The following STEAP1B variants were observed in gnomAD, a reference collection of about 807,000 sequenced individuals.
The protein encoded by STEAP1B is STEAP family member 1B, also known as STEAP family protein MGC87042.
In STEAP1B, 13 loss-of-function variants were observed where a neutral mutation model predicts 27.9. That is an observed-to-expected ratio of 0.47 (90% CI 0.30 to 0.74). The LOEUF (loss-of-function observed/expected upper bound fraction) is 0.74, where lower values mean the gene tolerates loss of function less well. Among genes scored for constraint, STEAP1B ranks in the 30% least tolerant of loss-of-function variants. STEAP1B has a pLI of 0.06. For missense variants in STEAP1B, 250 were observed against 298.7 expected, an observed-to-expected ratio of 0.84 and a Z score of 1.20; for synonymous variants, 86 against 107.1, an observed-to-expected ratio of 0.80 and a Z score of 1.22.
intron 3 of STEAP1B, among the ~76,000 whole-genome samples, chr7:22,493,114 T>A (rs1786361494): frequency 6.6e-6 from 1 of 152,234 alleles, no homozygotes; most frequent in Non-Finnish European, 1.5e-5. Flanking sequence ...GCTAAAGTTG[T>A]ACCTTATTTT....
chr7:22,425,438 A>T (rs1456548848), intron 4 of STEAP1B, among the ~76,000 whole-genome samples: 2 of 152,164 alleles, frequency 1.3e-5, no homozygotes, highest in South Asian at 2.1e-4. Context: ...CCCTGCAATT[A>T]AGTCAATTCA....
chr7:22,493,202 A>C (rs1786364975), intron 3 of STEAP1B, 122 bp downstream of exon 3: 2 of 1,214,274 alleles, frequency 1.6e-6, no homozygotes, highest in South Asian at 3.5e-5. Context: ...ATTTTAAAAT[A>C]GATGACTTTT....
rs951535759 is a variant in STEAP1B at position 22,442,338 on chromosome 7, C to A, written c.763-22502G>T. ...ACACCAACTGCCAGATGCAAGAAGT[C>A]AAGACGACAAACGTGTTTCTCCCAG... On this transcript the variant is annotated intron_variant, in intron 4 of 4. Coordinates refer to ENST00000678116, the MANE Select transcript of STEAP1B (RefSeq NM_001382447.1). 3.9e-5 allele frequency among the ~76,000 whole-genome samples: 6 copies of A among 152,266 alleles called. No homozygotes were observed. In the East Asian group the frequency reaches 1.2e-3, roughly 29 times the overall value.
chr7:22,426,168 T>A (rs1785104910), intron 4 of STEAP1B, among the ~76,000 whole-genome samples: 1 of 142,090 alleles, frequency 7.0e-6, no homozygotes, highest in Admixed American at 7.5e-5. Flanking sequence ...GTTAAGTCAA[T>A]CCTTTTGTCT....
At chr7:22,431,959 C>T (rs1476231362) in intron 4 of STEAP1B, among the ~76,000 whole-genome samples, 1 of 152,172 alleles carries the variant, frequency 6.6e-6, no homozygotes. Context: ...CTGGTCCTTG[C>T]TATGGTCTGA....
chr7:22,425,112 G>A lies in STEAP1B; in HGVS notation c.763-5276C>T, dbSNP rs555422607. 2.6e-4 allele frequency among the ~76,000 whole-genome samples: 39 copies of A among 152,232 alleles called. No individual in the cohort carries two copies. In the South Asian group the frequency reaches 8.1e-3, roughly 32 times the overall value. On this transcript the variant is annotated intron_variant, in intron 4 of 4. Transcript: ENST00000678116. ...CTTCAAAGCAAAAGACCAAAGGTGG[G>A]TATTCCAGAATAGCTCATTGCCTGT...
chr7:22,452,328 G>T (rs1785503944), intron 4 of STEAP1B, among the ~76,000 whole-genome samples: 1 of 152,086 alleles, frequency 6.6e-6, no homozygotes, highest in Non-Finnish European at 1.5e-5. Flanking sequence ...ACTCCAATTT[G>T]CTCATATTTG....
chr7:22,475,113 C>T (rs148025275), intron 4 of STEAP1B, among the ~76,000 whole-genome samples: 3 of 152,176 alleles, frequency 2.0e-5, no homozygotes, highest in Admixed American at 1.3e-4. Flanking sequence ...GGCTTGAAGG[C>T]AGGGGTTCAT....
chr7:22,452,669 C>T (rs879874432), intron 4 of STEAP1B, among the ~76,000 whole-genome samples: 1 of 152,114 alleles, frequency 6.6e-6, no homozygotes, highest in African/African-American at 2.4e-5. Flanking sequence ...AGGCTGGGTC[C>T]TGAGCGAACT....
In STEAP1B at chr7:22,471,991, T is replaced by C. The variant is rs574295160; in HGVS notation, c.762+20574A>G. Among the ~76,000 whole-genome samples, 207 of 148,610 alleles carry C rather than the reference T, an allele frequency of 1.4e-3. 1 individual carries two copies. Among genetic ancestry groups the C allele is most frequent in the African/African-American group, 4.9e-3 (196 of 40,146 alleles). On this transcript the variant is annotated intron_variant, in intron 4 of 4. Coordinates refer to ENST00000678116, the MANE Select transcript of STEAP1B (RefSeq NM_001382447.1). Reference sequence around the variant, plus strand: ...GCTGTGTTTCTGGCTATTGGAAGAATAGGTTAACCACCAAAAAAAGGAAAA... The same window carrying C: ...GCTGTGTTTCTGGCTATTGGAAGAACAGGTTAACCACCAAAAAAAGGAAAA...
intron 4 of STEAP1B, among the ~76,000 whole-genome samples, chr7:22,459,544 C>G (rs1188475951): frequency 1.3e-5 from 2 of 152,160 alleles, no homozygotes; most frequent in Non-Finnish European, 2.9e-5. Flanking sequence ...TCCATTTTAA[C>G]AAAAACAACA....
intron 4 of STEAP1B, among the ~76,000 whole-genome samples, chr7:22,435,006 T>C (rs1785236556): frequency 6.6e-6 from 1 of 152,194 alleles, no homozygotes; most frequent in Non-Finnish European, 1.5e-5. Flanking sequence ...GAAATGTGAC[T>C]AGTGTGACCG....
At chr7:22,450,107 C>T (rs548223752) in intron 4 of STEAP1B, among the ~76,000 whole-genome samples, 1 of 152,154 alleles carries the variant, frequency 6.6e-6, no homozygotes, top group East Asian at 1.9e-4. Flanking sequence ...TTGTTGTGTC[C>T]TTTGCAGTAC....
intron 4 of STEAP1B, among the ~76,000 whole-genome samples, chr7:22,435,501 C>T (rs1009373427): frequency 4.6e-5 from 7 of 152,096 alleles, no homozygotes; most frequent in African/African-American, 1.4e-4. Flanking sequence ...ATTGACAACC[C>T]TCCATCAGTA....
At chr7:22,456,015 T>C (rs1223702479) in intron 4 of STEAP1B, among the ~76,000 whole-genome samples, 38 of 152,100 alleles carry the variant, frequency 2.5e-4, no homozygotes, top group Non-Finnish European at 2.2e-4. Flanking sequence ...GGCCTGGTGG[T>C]GAGCGCCTGT....
chr7:22,423,413 G>A (rs1413262950), intron 4 of STEAP1B, among the ~76,000 whole-genome samples: 1 of 152,098 alleles, frequency 6.6e-6, no homozygotes, highest in Non-Finnish European at 1.5e-5. Flanking sequence ...ATCCGTCAGT[G>A]GACAATTATT....
At position 22,419,708 on chromosome 7, in the gene STEAP1B, G is replaced by C. The variant is rs146774827; in HGVS notation, c.*96C>G. 1.4e-6 allele frequency: 2 copies of C among 1,388,144 alleles called. No individual in the cohort carries two copies. Among genetic ancestry groups the C allele is most frequent in the South Asian group, 1.5e-5 (1 of 66,880 alleles). The allele number at this position is 1,388,144 out of a possible 1,614,324, so 86.0% of individuals were successfully genotyped here. ...TGCAGCATGGCTGTTCATTGTGGCAGAGGGAAAGGGCACTGGGTGGTGTTC... is the reference window on the plus strand; with the variant it reads ...TGCAGCATGGCTGTTCATTGTGGCACAGGGAAAGGGCACTGGGTGGTGTTC... On this transcript the variant is annotated 3_prime_UTR_variant, in exon 5 of 5. Coordinates refer to ENST00000678116, the MANE Select transcript of STEAP1B (RefSeq NM_001382447.1).
chr7:22,458,555 C>G (rs965248122), intron 4 of STEAP1B, among the ~76,000 whole-genome samples: 1 of 152,212 alleles, frequency 6.6e-6, no homozygotes, highest in African/African-American at 2.4e-5. Context: ...CTCTACACAT[C>G]AACCTTTTTT....
intron 4 of STEAP1B, among the ~76,000 whole-genome samples, chr7:22,479,679 C>CTTTTTTTTTT (rs569050091): frequency 0.019 from 1,777 of 92,094 alleles, 209 homozygotes; most frequent in African/African-American, 0.081. Flanking sequence ...TCATGTGTGG[C>CTTTTTTTTTT]TTTTTTTTTT....
Sources: allele counts gnomAD v4.1 joint callset (sites outside exome capture counted in the v4.1 genomes callset), GRCh38; gene constraint gnomAD v4.1.1; transcripts MANE v1.5; gene names NCBI Gene and HGNC (gene_info 2026-07-23, HGNC 2026-07-21).